The following SIGLEC1 variants were observed in gnomAD, a reference collection of about 807,000 sequenced individuals.
SIGLEC1 encodes sialic acid binding Ig like lectin 1.
A neutral mutation model predicts 148.0 loss-of-function variants in SIGLEC1; 132 were observed. That is an observed-to-expected ratio of 0.89 (90% CI 0.77 to 1.03). The LOEUF (loss-of-function observed/expected upper bound fraction) is 1.03, where lower values mean the gene tolerates loss of function less well. Among genes scored for constraint, SIGLEC1 ranks in the 50% least tolerant of loss-of-function variants. The pLI is 0.00. For synonymous variants in SIGLEC1, 945 were observed against 969.0 expected, an observed-to-expected ratio of 0.98 and a Z score of 0.46; for missense variants, 2,253 against 2,271.4, an observed-to-expected ratio of 0.99 and a Z score of 0.16.
At chr20:3,699,624 T>C (rs1043024768) in intron 7 of SIGLEC1, among the ~76,000 whole-genome samples, 165 bp from the exon 8 acceptor site, 1 of 152,084 alleles carries the variant, frequency 6.6e-6, no homozygotes, top group African/African-American at 2.4e-5. Context: ...TCAGATCTAT[T>C]GGTAGTAGAT....
rs762267814 is a variant in SIGLEC1, at chr20:3,697,936, G to A, written c.1984C>T (p.Arg662Cys). 95 of 1,612,892 alleles carry A rather than the reference G, an allele frequency of 5.9e-5. No homozygotes were observed. Among genetic ancestry groups the A allele is most frequent in the South Asian group, 2.6e-4 (24 of 91,070 alleles). The change falls in exon 9 of 22, where the codon CGC becomes TGC. Residue 662 changes from arginine to cysteine, a missense_variant. Physicochemically the swap from Arg to Cys is radical, Grantham distance 180. Coordinates refer to ENST00000344754, the MANE Select transcript of SIGLEC1 (RefSeq NM_023068.4). ...TTGGGGGCTTTGGTGACCTTCATGC[G>A]TGGGGAACAGCCCCCACAGGTGCTG... ...GCSTCGGCSPRMKVTKAPNLL... is the reference protein window; with the variant it reads ...GCSTCGGCSPCMKVTKAPNLL...
Position 3,687,745 on chromosome 20 carries a change from G to A in SIGLEC1, c.*815C>T, listed in dbSNP as rs563881257. On this transcript the variant is annotated 3_prime_UTR_variant, in exon 22 of 22. Coordinates refer to ENST00000344754, the MANE Select transcript of SIGLEC1 (RefSeq NM_023068.4). The stretch of plus-strand genomic sequence containing the variant: ...CAACAATGTCAAAAGTCTCAGGGAT[G>A]AGCTCACAGTTGGGAGTCCTTTGGA... 17 of 152,366 alleles carry A rather than the reference G, an allele frequency of 1.1e-4. No individual in the cohort carries two copies. Among genetic ancestry groups the A allele is most frequent in the African/African-American group, 4.1e-4 (17 of 41,582 alleles). The allele number at this position is 152,366 out of a possible 1,614,324, so 9.4% of individuals were successfully genotyped here.
At chr20:3,701,671 C>A in intron 6 of SIGLEC1, 30 bp from the exon 7 acceptor site, 2 of 1,525,342 alleles carry the variant, frequency 1.3e-6, no homozygotes, top group Non-Finnish European at 1.8e-6. Flanking sequence ...GGGCCTGTCA[C>A]CCTCAGACAA....
In SIGLEC1 at chr20:3,691,558, C is replaced by T; in HGVS notation, c.4373G>A (p.Gly1458Asp). The T allele has an allele frequency of 6.2e-7, 1 of 1,613,032 alleles. No individual in the cohort carries two copies. Among genetic ancestry groups the T allele is most frequent in the African/African-American group, 1.3e-5 (1 of 75,072 alleles). The change falls in exon 18 of 22, where the codon GGC becomes GAC. Residue 1458 changes from glycine (G) to aspartate (D), a missense_variant. Coordinates refer to ENST00000344754, the MANE Select transcript of SIGLEC1 (RefSeq NM_023068.4). ...GCGGCAGCTGAGGTTCAGGGCAGCG[C>T]CCTCAGGCACGTCCAGGCCAGGCTC... ...VAEPGLDVPE[G>D]AALNLSCRLL...
chr20:3,703,993 G>T lies in SIGLEC1; in HGVS notation c.805C>A (p.Pro269Thr). The T allele has an allele frequency of 6.2e-7, 1 of 1,612,920 alleles. No individual in the cohort carries two copies. Among genetic ancestry groups the T allele is most frequent in the Non-Finnish European group, 8.5e-7 (1 of 1,179,294 alleles). The change falls in exon 5 of 22, where the codon CCT becomes ACT. Residue 269 changes from proline to threonine, a missense_variant. Physicochemically the swap from Pro to Thr is conservative, Grantham distance 38 (BLOSUM62 -1). Coordinates refer to ENST00000344754, the MANE Select transcript of SIGLEC1 (RefSeq NM_023068.4). ...AGCCACTTAATGGAACTGACTGCAGGGTAGCTGCTGTTCACCTGGCAGGTG... is the reference window on the plus strand; with the variant it reads ...AGCCACTTAATGGAACTGACTGCAGTGTAGCTGCTGTTCACCTGGCAGGTG... The part of the protein sequence containing the change: ...TLTCQVNSSY[P>T]AVSSIKWLKD...
chr20:3,697,524 G>A (rs568350467), intron 9 of SIGLEC1, among the ~76,000 whole-genome samples, 182 bp from the exon 10 acceptor site: 1 of 151,420 alleles, frequency 6.6e-6, no homozygotes, highest in East Asian at 1.9e-4. Flanking sequence ...TGGGGGCCCT[G>A]GGCAGAGAGG....
At chr20:3,692,820 T>C in intron 15 of SIGLEC1, 42 bp downstream of exon 15, 1 of 1,601,204 alleles carries the variant, frequency 6.2e-7, no homozygotes, top group South Asian at 1.1e-5. Context: ...GACACCACAG[T>C]GGGCTTCCAT....
rs776371782 is a variant in SIGLEC1 at position 3,699,583 on chromosome 20, G to C, written c.1529-124C>G. Reference sequence around the variant, plus strand: ...TGTAGGTAGCTCTGGGCTTTGTGGTGCATCAGGAGGGTTTGCCCTTTAATG... The same window carrying C: ...TGTAGGTAGCTCTGGGCTTTGTGGTCCATCAGGAGGGTTTGCCCTTTAATG... On this transcript the variant is annotated intron_variant, in intron 7 of 21. Coordinates refer to ENST00000344754, the MANE Select transcript of SIGLEC1 (RefSeq NM_023068.4). The C allele has an allele frequency of 4.5e-4, 565 of 1,255,898 alleles. 2 individuals are homozygous for C. Among genetic ancestry groups the C allele is most frequent in the Non-Finnish European group, 5.7e-4 (523 of 915,010 alleles). 77.8% of individuals were successfully genotyped at this position (1,255,898 alleles called of 1,614,324 possible).
Position 3,699,438 on chromosome 20 carries a change from G to C in SIGLEC1, c.1550C>G (p.Pro517Arg), listed in dbSNP as rs376249407. Residue 517 changes from proline (P) to arginine (R), a missense_variant, in exon 8 of 22, where the codon CCG becomes CGG. Pro to Arg is a moderately radical substitution (Grantham distance 103). Transcript: ENST00000344754. ...CTGTCCTTCCACCACCTCGGCTGCCGGGCTGATGAGGAGACGGGCGGCTGC... is the reference window on the plus strand; with the variant it reads ...CTGTCCTTCCACCACCTCGGCTGCCCGGCTGATGAGGAGACGGGCGGCTGC... ...HANAARLLIS[P>R]AAEVVEGQAV... is the part of the protein sequence containing the mutation. 2 of 1,609,632 alleles carry C rather than the reference G, an allele frequency of 1.2e-6. No homozygotes were observed. Among genetic ancestry groups the C allele is most frequent in the African/African-American group, 1.3e-5 (1 of 74,874 alleles).
At chr20:3,700,258 C>T (rs1374875938) in intron 7 of SIGLEC1, among the ~76,000 whole-genome samples, 1 of 151,592 alleles carries the variant, frequency 6.6e-6, no homozygotes, top group African/African-American at 2.4e-5. Context: ...GCTGGGACCA[C>T]AGGTGTGCGC....
In SIGLEC1 at chr20:3,703,309, G is replaced by A. The variant is rs1441358773; in HGVS notation, c.1116C>T (p.Ser372=). The part of the protein sequence containing the change: ...KNHVLLEDAH[S]HTLRLHLATR... ...TGGCCAAGTGCAGCCGGAGGGTATGGGAGTGGGCATCCTCCAGCAGGACAT... is the reference window on the plus strand; with the variant it reads ...TGGCCAAGTGCAGCCGGAGGGTATGAGAGTGGGCATCCTCCAGCAGGACAT... The change falls in exon 6 of 22, where the codon TCC becomes TCT. Residue 372 remains serine (S), a synonymous_variant. Transcript: ENST00000344754. 1.2e-6 allele frequency: 2 copies of A among 1,614,044 alleles called. No homozygotes were observed. Among genetic ancestry groups the A allele is most frequent in the East Asian group, 2.2e-5 (1 of 44,900 alleles).
chr20:3,695,631 C>G (rs948216349), intron 11 of SIGLEC1, among the ~76,000 whole-genome samples: 1 of 152,152 alleles, frequency 6.6e-6, no homozygotes, highest in Admixed American at 6.5e-5. Context: ...TCCTAAAACT[C>G]AAACCTTCAA....
intron 16 of SIGLEC1, among the ~76,000 whole-genome samples, 153 bp from the exon 17 acceptor site, chr20:3,692,355 C>T (rs2088773377): frequency 6.6e-6 from 1 of 152,182 alleles, no homozygotes; most frequent in East Asian, 1.9e-4. Flanking sequence ...GCAGAGTGCT[C>T]CAGGCAGGGC....
rs1323741393 is a variant in SIGLEC1 at position 3,703,326 on chromosome 20, G to C, written c.1099C>G (p.Leu367Val). Residue 367 changes from leucine (L) to valine (V), a missense_variant, in exon 6 of 22, where the codon CTG becomes GTG. Coordinates refer to ENST00000344754, the MANE Select transcript of SIGLEC1 (RefSeq NM_023068.4). ...AGGGTATGGGAGTGGGCATCCTCCA[G>C]CAGGACATGGTTCTTGTACCAGCTG... The part of the protein sequence containing the change: ...RYSWYKNHVL[L>V]EDAHSHTLRL... 1.2e-6 allele frequency: 2 copies of C among 1,614,174 alleles called. No individual in the cohort carries two copies. Among genetic ancestry groups the C allele is most frequent in the Non-Finnish European group, 1.7e-6 (2 of 1,180,006 alleles).
In SIGLEC1 at chr20:3,694,251, C is replaced by A. The variant is rs1422551904; in HGVS notation, c.3226G>T (p.Ala1076Ser). ...GCGTCGAAGTCAGCTGAGGCCGAGGCCTGGCCCAGGGTGTTGGAGGCCTCA... is the reference window on the plus strand; with the variant it reads ...GCGTCGAAGTCAGCTGAGGCCGAGGACTGGCCCAGGGTGTTGGAGGCCTCA... The part of the protein sequence containing the change: ...ICEASNTLGQ[A>S]SASADFDAQA... The change falls in exon 13 of 22, where the codon GCC becomes TCC. Residue 1076 changes from alanine (A) to serine (S), a missense_variant. Coordinates refer to ENST00000344754, the MANE Select transcript of SIGLEC1 (RefSeq NM_023068.4). 6.2e-7 allele frequency: 1 copy of A among 1,611,854 alleles called. No individual in the cohort carries two copies. Among genetic ancestry groups the A allele is most frequent in the African/African-American group, 1.3e-5 (1 of 74,774 alleles).
At chr20:3,705,723 G>T (rs1362533596) in intron 4 of SIGLEC1, 21 bp downstream of exon 4, 9 of 1,587,980 alleles carry the variant, frequency 5.7e-6, no homozygotes, top group Non-Finnish European at 6.9e-6. Flanking sequence ...AGCCACAAGG[G>T]TGTGTCCCCA....
chr20:3,693,131 T>C lies in SIGLEC1; in HGVS notation c.3509A>G (p.Tyr1170Cys). The C allele has an allele frequency of 6.5e-7, 1 of 1,550,106 alleles. No homozygotes were observed. The highest frequency in any genetic ancestry group is 8.7e-7 in the Non-Finnish European group (1 of 1,155,106). The change falls in exon 15 of 22, where the codon TAC becomes TGC. Residue 1170 changes from tyrosine to cysteine, a missense_variant and splice_region_variant. Tyr to Cys is a radical substitution (Grantham distance 194). Transcript: ENST00000344754. ...GGTCAGGCGCAGGTTGCGGGGCGCG[T>C]CTGCAGGGCATGAGAGGCTTACACG... ...LSRPITLDVL[Y>C]APRNLRLTYL...
At position 3,688,245 on chromosome 20, in the gene SIGLEC1, G is replaced by A. The variant is rs556448419; in HGVS notation, c.*315C>T. 5 of 386,448 alleles carry A rather than the reference G, an allele frequency of 1.3e-5. No individual in the cohort carries two copies. Among genetic ancestry groups the A allele is most frequent in the South Asian group, 4.4e-5 (2 of 45,358 alleles). The allele number at this position is 386,448 out of a possible 1,614,324, so 23.9% of individuals were successfully genotyped here. On this transcript the variant is annotated 3_prime_UTR_variant, in exon 22 of 22. Coordinates refer to ENST00000344754, the MANE Select transcript of SIGLEC1 (RefSeq NM_023068.4). Reference sequence around the variant, plus strand: ...CCAACCAAAGTCCAGGGTGACTTTCGAGGAGAAGGATGTGAAAGGGCAGGG... The same window carrying A: ...CCAACCAAAGTCCAGGGTGACTTTCAAGGAGAAGGATGTGAAAGGGCAGGG...
chr20:3,688,732 G>C (rs2088724342), intron 21 of SIGLEC1, 113 bp from the exon 22 acceptor site: 2 of 780,850 alleles, frequency 2.6e-6, no homozygotes, highest in Non-Finnish European at 4.1e-6. Flanking sequence ...TGCATGGCTG[G>C]AAGTGTGACT....
Sources: allele counts gnomAD v4.1 joint callset (sites outside exome capture counted in the v4.1 genomes callset), GRCh38; gene constraint gnomAD v4.1.1; transcripts MANE v1.5; gene names NCBI Gene and HGNC (gene_info 2026-07-23, HGNC 2026-07-21).